The following CPA6 variants were observed in gnomAD, a reference collection of about 807,000 sequenced individuals.
CPA6 encodes carboxypeptidase A6.
In CPA6, 58 loss-of-function variants were observed where a neutral mutation model predicts 63.3. That is an observed-to-expected ratio of 0.92 (90% confidence interval 0.74 to 1.14). The LOEUF (loss-of-function observed/expected upper bound fraction) is 1.14, where lower values mean the gene tolerates loss of function less well. Ranked by LOEUF, CPA6 falls within the 50% of genes most tolerant of loss-of-function variation. The probability of loss-of-function intolerance (pLI) is 0.00; values close to 1 mark genes in which losing one functional copy is unlikely to be tolerated. For synonymous variants in CPA6, 185 were observed against 179.0 expected (o/e 1.03, Z -0.27); for missense variants, 565 against 526.6 (o/e 1.07, Z -0.71).
intron 1 of CPA6, among the ~76,000 whole-genome samples, chr8:67,712,890 C>T (rs963043173): frequency 5.3e-5 from 8 of 151,724 alleles, no homozygotes; most frequent in East Asian, 1.9e-4. Context: ...GTCACTTAGC[C>T]GCCCTCTTGG....
At chr8:67,444,378 A>G (rs1810366741) in intron 8 of CPA6, among the ~76,000 whole-genome samples, 2 of 152,206 alleles carry the variant, frequency 1.3e-5, no homozygotes, top group Admixed American at 6.5e-5. Context: ...CATTTTGGAC[A>G]TGTTAAGTTT....
chr8:67,480,877 C>T (rs1054112509), intron 8 of CPA6, among the ~76,000 whole-genome samples: 4 of 152,080 alleles, frequency 2.6e-5, no homozygotes, highest in African/African-American at 9.7e-5. Flanking sequence ...TGAAGTGGTA[C>T]CTATTCCTAT....
At chr8:67,511,688 A>C (rs1208354604) in intron 3 of CPA6, 33 bp from the exon 4 acceptor site, 1 of 1,273,224 alleles carries the variant, frequency 7.9e-7, no homozygotes, top group African/African-American at 1.5e-5. Flanking sequence ...GATGAAAAGT[A>C]AATTGAGATA....
chr8:67,519,698 G>C (rs1258343549), intron 2 of CPA6, among the ~76,000 whole-genome samples: 3 of 152,178 alleles, frequency 2.0e-5, no homozygotes, highest in African/African-American at 7.2e-5. Flanking sequence ...GAAGTGTGAG[G>C]CTGGAAGGGA....
At chr8:67,589,392 C>T (rs757378067) in intron 2 of CPA6, among the ~76,000 whole-genome samples, 5 of 152,010 alleles carry the variant, frequency 3.3e-5, no homozygotes, top group South Asian at 2.1e-4. Flanking sequence ...ATTGCCTATG[C>T]GATGGAGAAG....
chr8:67,698,546 A>T (rs1268062798), intron 1 of CPA6, among the ~76,000 whole-genome samples: 1 of 152,182 alleles, frequency 6.6e-6, no homozygotes, highest in Non-Finnish European at 1.5e-5. Context: ...AGAAATACTC[A>T]GTCTGTAATT....
chr8:67,590,252 G>T (rs1432703481), intron 2 of CPA6, among the ~76,000 whole-genome samples: 1 of 151,040 alleles, frequency 6.6e-6, no homozygotes, highest in Non-Finnish European at 1.5e-5. Flanking sequence ...GTATTCCATG[G>T]TGTATATGTG....
rs869189030 is a variant in CPA6, at chr8:67,660,322, G to GTTTTTTT, written c.117-36078_117-36072dup. ...ACATGGTAAAAGTTAATTATTGCAGGTTTTTTTTTTTTTTTTTTTTTTTTT... is the reference window on the plus strand; with the variant it reads ...ACATGGTAAAAGTTAATTATTGCAGGTTTTTTTTTTTTTTTTTTTTTTTTTTTTTTTT... On this transcript the variant is annotated intron_variant, in intron 1 of 10. Transcript: ENST00000297770. Among the ~76,000 whole-genome samples, 222 of 73,912 alleles carry GTTTTTTT rather than the reference G, an allele frequency of 3.0e-3. 20 individuals carry two copies. Among genetic ancestry groups the GTTTTTTT allele is most frequent in the African/African-American group, 6.6e-3 (104 of 15,790 alleles). The allele number at this position is 73,912 out of a possible 152,430, so 48.5% of individuals were successfully genotyped here.
intron 8 of CPA6, among the ~76,000 whole-genome samples, chr8:67,455,862 G>T (rs973489246): frequency 8.6e-5 from 13 of 151,938 alleles, no homozygotes; most frequent in African/African-American, 3.1e-4. Context: ...CTATAGGCAT[G>T]CACTAGAATG....
At chr8:67,606,890 G>A (rs998592257) in intron 2 of CPA6, among the ~76,000 whole-genome samples, 1 of 152,104 alleles carries the variant, frequency 6.6e-6, no homozygotes, top group African/African-American at 2.4e-5. Flanking sequence ...TCAGGTTTGA[G>A]GTCCTGATAG....
chr8:67,741,194 C>G (rs16933567), intron 1 of CPA6, among the ~76,000 whole-genome samples: 19,259 of 152,058 alleles, frequency 0.13, 1,938 homozygotes, highest in African/African-American at 0.28. Flanking sequence ...AAAAAGGAGT[C>G]CATGGAACTT....
chr8:67,741,663 G>A (rs372326850), intron 1 of CPA6, among the ~76,000 whole-genome samples: 18 of 152,084 alleles, frequency 1.2e-4, no homozygotes, highest in African/African-American at 4.1e-4. Context: ...AGGGATCTAG[G>A]TTGCATGTTC....
chr8:67,509,114 G>C (rs1811991087), intron 5 of CPA6, among the ~76,000 whole-genome samples: 1 of 151,310 alleles, frequency 6.6e-6, no homozygotes. Flanking sequence ...AGAACAGCAA[G>C]GGGGAAATCT....
At chr8:67,627,239 C>G (rs960589132) in intron 1 of CPA6, among the ~76,000 whole-genome samples, 3 of 152,128 alleles carry the variant, frequency 2.0e-5, no homozygotes, top group African/African-American at 7.2e-5. Flanking sequence ...CACATGACCC[C>G]CAAATGCCCT....
At chr8:67,567,998 C>T (rs1259878837) in intron 2 of CPA6, among the ~76,000 whole-genome samples, 1 of 152,074 alleles carries the variant, frequency 6.6e-6, no homozygotes, top group Non-Finnish European at 1.5e-5. Flanking sequence ...ATGTACCTAT[C>T]CTGCTGGATA....
At chr8:67,625,181 T>C (rs557266748) in intron 1 of CPA6, among the ~76,000 whole-genome samples, 4 of 152,154 alleles carry the variant, frequency 2.6e-5, no homozygotes, top group Non-Finnish European at 4.4e-5. Flanking sequence ...TTTGATACTT[T>C]TTGATAGGCC....
chr8:67,604,531 A>AT (rs751541503), intron 2 of CPA6, among the ~76,000 whole-genome samples: 13 of 151,928 alleles, frequency 8.6e-5, no homozygotes, highest in Non-Finnish European at 1.6e-4. Flanking sequence ...GATATACCAT[A>AT]TTTTTTACTT....
At chr8:67,573,158 C>T (rs1813529521) in intron 2 of CPA6, among the ~76,000 whole-genome samples, 1 of 152,178 alleles carries the variant, frequency 6.6e-6, no homozygotes. Flanking sequence ...AAGCCCACAG[C>T]TAACATTATA....
intron 2 of CPA6, among the ~76,000 whole-genome samples, chr8:67,583,053 G>A (rs1361691369): frequency 1.3e-5 from 2 of 151,964 alleles, no homozygotes; most frequent in Non-Finnish European, 2.9e-5. Context: ...TTTATTATTA[G>A]GATTTTTAAT....
Sources: gnomAD v4.1 joint callset for allele counts (sites outside exome capture counted in the v4.1 genomes callset) on GRCh38, gnomAD v4.1.1 for gene constraint, MANE v1.5 for transcripts, NCBI Gene and HGNC (gene_info 2026-07-23, HGNC 2026-07-21) for gene names.